Variants in ERICH6 observed in about 807,000 individuals in gnomAD.
The protein encoded by ERICH6 is glutamate-rich protein 6.
Under a neutral mutation model 71.0 loss-of-function variants are expected in ERICH6, and 71 were observed. That is an observed-to-expected ratio of 1.00 (90% CI 0.83 to 1.22). The LOEUF (loss-of-function observed/expected upper bound fraction) is 1.22, where lower values mean the gene tolerates loss of function less well. Among genes scored for constraint, ERICH6 ranks in the 50% most tolerant of loss-of-function variants. The pLI, the probability that ERICH6 is intolerant of heterozygous loss-of-function variation, is 0.00. For missense variants in ERICH6, 808 were observed against 797.2 expected (o/e 1.01, Z -0.16); for synonymous variants, 262 against 278.4 (o/e 0.94, Z 0.59).
At chr3:150,683,274 G>A (rs1712043157) in intron 6 of ERICH6, among the ~76,000 whole-genome samples, 2 of 152,226 alleles carry the variant, frequency 1.3e-5, no homozygotes. Context: ...AATGCTTGGA[G>A]AGTGAAGTCT....
rs1295809817 is a variant in ERICH6 at position 150,680,705 on chromosome 3, T to C, written c.1040+68A>G. 1.9e-6 allele frequency: 3 copies of C among 1,559,340 alleles called. No individual in the cohort carries two copies. The Admixed American group carries it at 6.0e-5, about 31-fold the overall frequency. ...AGTTATATATCTTGAAAAAATGAGG[T>C]TCATTTACAAAACGAGCTCCGATTA... On this transcript the variant is annotated intron_variant, in intron 8 of 13. Coordinates refer to ENST00000295910, the MANE Select transcript of ERICH6 (RefSeq NM_152394.5).
In ERICH6 at chr3:150,685,841, T is replaced by A. The variant is rs1712160326; in HGVS notation, c.684A>T (p.Ile228=). 6.2e-7 allele frequency: 1 copy of A among 1,613,902 alleles called. No individual in the cohort carries two copies. The highest frequency in any genetic ancestry group is 1.7e-5 in the Admixed American group (1 of 59,982). The change falls in exon 6 of 14, where the codon ATA becomes ATT. Residue 228 remains isoleucine, a synonymous_variant. Transcript: ENST00000295910. ...LYELEFKEDF[I]TLFEPSLRTL... ...TTCTTAGAGAAGGCTCGAACAGTGT[T>A]ATGAAGTCTTCCTTAAACTAAATTT...
intron 7 of ERICH6, among the ~76,000 whole-genome samples, 189 bp from the exon 8 acceptor site, chr3:150,681,119 A>G (rs1293877943): frequency 2.0e-5 from 3 of 151,866 alleles, no homozygotes; most frequent in East Asian, 1.9e-4. Flanking sequence ...TTGTTTTAGT[A>G]TATTCACAGA....
Position 150,676,809 on chromosome 3 carries a change from TA to T in ERICH6, c.1257+1599del, listed in dbSNP as rs143226357. On this transcript the variant is annotated intron_variant, in intron 10 of 13. Transcript: ENST00000295910. ...GTGCTGCCATGCCCAGCTAATTAAT[TA>T]AAAAAAAATTTTTTTTTTTTTGAGA... Among the ~76,000 whole-genome samples, 1,139 of 150,974 alleles carry T rather than the reference TA, an allele frequency of 7.5e-3. 18 individuals are homozygous for T. Among genetic ancestry groups the T allele is most frequent in the African/African-American group, 0.025 (1,037 of 40,888 alleles).
intron 3 of ERICH6, among the ~76,000 whole-genome samples, chr3:150,690,977 C>A (rs1712409875): frequency 6.6e-6 from 1 of 152,156 alleles, no homozygotes; most frequent in African/African-American, 2.4e-5. Flanking sequence ...GGGAAAGGAC[C>A]ATTATCATCT....
At chr3:150,691,097 G>T (rs183230996) in intron 3 of ERICH6, among the ~76,000 whole-genome samples, 207 of 152,262 alleles carry the variant, frequency 1.4e-3, no homozygotes, top group Middle Eastern at 0.01. Context: ...AATCAGTTGG[G>T]TCAAATCTTT....
At chr3:150,699,894 A>G (rs1028999114) in intron 2 of ERICH6, among the ~76,000 whole-genome samples, 2 of 150,572 alleles carry the variant, frequency 1.3e-5, no homozygotes, top group African/African-American at 4.9e-5. Context: ...TACTGAAAAT[A>G]CAAAGGAAAT....
At chr3:150,680,752 G>C in intron 8 of ERICH6, 21 bp downstream of exon 8, 2 of 1,586,770 alleles carry the variant, frequency 1.3e-6, no homozygotes, top group Admixed American at 1.9e-5. Flanking sequence ...ATGAGTTTCA[G>C]TATCGAAGTC....
Position 150,703,679 on chromosome 3 carries a change from T to C in ERICH6, c.220A>G (p.Ser74Gly), listed in dbSNP as rs553066488. 5 of 1,612,766 alleles carry C rather than the reference T, an allele frequency of 3.1e-6. No homozygotes were observed. The East Asian group carries it at 8.9e-5, about 29-fold the overall frequency. Residue 74 changes from serine to glycine, a missense_variant, in exon 1 of 14, where the codon AGC becomes GGC. By Grantham distance (56) the Ser-to-Gly change is moderately conservative. Coordinates refer to ENST00000295910, the MANE Select transcript of ERICH6 (RefSeq NM_152394.5). Reference sequence around the variant, plus strand: ...GTGACCTTCCAGAGGTACTCTTCGCTGAACGTCTCAGGGGCCTCCAACTCC... The same window carrying C: ...GTGACCTTCCAGAGGTACTCTTCGCCGAACGTCTCAGGGGCCTCCAACTCC... The part of the protein sequence containing the change: ...EQELEAPETF[S>G]EEYLWKVTDI...
At chr3:150,666,514 C>A (rs533162734) in intron 13 of ERICH6, among the ~76,000 whole-genome samples, 1 of 152,154 alleles carries the variant, frequency 6.6e-6, no homozygotes, top group East Asian at 1.9e-4. Flanking sequence ...TTAAACTAAA[C>A]CCCCAGAGCA....
At chr3:150,702,485 C>CCGA (rs1311002372) in intron 1 of ERICH6, among the ~76,000 whole-genome samples, 3 of 152,072 alleles carry the variant, frequency 2.0e-5, no homozygotes, top group African/African-American at 7.2e-5. Context: ...ACCATGTTAG[C>CCGA]CAGAATGGTC....
At chr3:150,679,402 T>C (rs1711805630) in intron 9 of ERICH6, among the ~76,000 whole-genome samples, 1 of 151,940 alleles carries the variant, frequency 6.6e-6, no homozygotes, top group Non-Finnish European at 1.5e-5. Context: ...TAAAGTCCAT[T>C]GTATCATTCT....
intron 10 of ERICH6, among the ~76,000 whole-genome samples, chr3:150,677,412 C>G (rs187598734): frequency 6.6e-6 from 1 of 151,266 alleles, no homozygotes; most frequent in Non-Finnish European, 1.5e-5. Context: ...TCAGTATGTC[C>G]GAGAACAGAA....
chr3:150,685,437 A>G (rs991834524), intron 6 of ERICH6, among the ~76,000 whole-genome samples: 5 of 152,184 alleles, frequency 3.3e-5, no homozygotes, highest in African/African-American at 9.7e-5. Flanking sequence ...ACCACAAGCT[A>G]GGAAGAGGGA....
intron 11 of ERICH6, among the ~76,000 whole-genome samples, chr3:150,671,103 T>TA (rs1320560598): frequency 1.1e-4 from 16 of 152,278 alleles, no homozygotes; most frequent in Admixed American, 3.3e-4. Context: ...CTAAAAACTT[T>TA]AAAAAAATTT....
intron 6 of ERICH6, among the ~76,000 whole-genome samples, chr3:150,684,220 T>C (rs148059625): frequency 6.6e-6 from 1 of 152,202 alleles, no homozygotes; most frequent in East Asian, 1.9e-4. Context: ...ACCACATCTT[T>C]TCAATAAATA....
chr3:150,685,011 A>C (rs754823369), intron 6 of ERICH6, among the ~76,000 whole-genome samples: 67 of 152,006 alleles, frequency 4.4e-4, no homozygotes, highest in African/African-American at 1.6e-3. Flanking sequence ...TCTCAAAAAA[A>C]AAAAATAATA....
intron 3 of ERICH6, among the ~76,000 whole-genome samples, chr3:150,694,515 G>T (rs1712578046): frequency 6.6e-6 from 1 of 152,114 alleles, no homozygotes. Flanking sequence ...TTTACTGAGG[G>T]CCAGATGAAT....
intron 10 of ERICH6, among the ~76,000 whole-genome samples, chr3:150,677,082 G>A (rs572260609): frequency 6.6e-6 from 1 of 152,224 alleles, no homozygotes; most frequent in East Asian, 1.9e-4. Flanking sequence ...AAAGTGCTAG[G>A]ATTACAGGCG....
Sources: allele counts gnomAD v4.1 joint callset (sites outside exome capture counted in the v4.1 genomes callset), GRCh38; gene constraint gnomAD v4.1.1; transcripts MANE v1.5; gene names NCBI Gene and HGNC (gene_info 2026-07-23, HGNC 2026-07-21).